CEP43: variants seen among roughly 807,000 people sequenced by gnomAD.
CEP43 encodes the protein FGFR1 oncogene partner.
CEP43 carries 36 observed loss-of-function variants against 52.6 expected under a neutral mutation model. The observed-to-expected ratio is 0.68, with a 90% CI of 0.52 to 0.90. The LOEUF is 0.90. Ranked by LOEUF, CEP43 falls within the 40% of genes least tolerant of loss-of-function variation. The pLI is 0.00. For missense variants in CEP43, 506 were observed against 472.8 expected (o/e 1.07, Z -0.65); for synonymous variants, 192 against 172.4 (o/e 1.11, Z -0.89).
chr6:167,048,084 C>T lies in CEP43; in HGVS notation c.*8106C>T, dbSNP rs2114862068. On this transcript the variant is annotated 3_prime_UTR_variant, in exon 13 of 13. Transcript: ENST00000366847. ...AGATGAGTGATCCAACGTTAGAAAT[C>T]ATCTGGACATTAAAACTGAATTGTA... 1 of 152,264 alleles carries T rather than the reference C, an allele frequency of 6.6e-6. No homozygotes were observed. Among genetic ancestry groups the T allele is most frequent in the East Asian group, 1.9e-4 (1 of 5,174 alleles). The allele number at this position is 152,264 out of a possible 1,614,324, so 9.4% of individuals were successfully genotyped here.
intron 6 of CEP43, among the ~76,000 whole-genome samples, chr6:167,012,144 C>G (rs1430109739): frequency 6.6e-6 from 1 of 152,214 alleles, no homozygotes; most frequent in African/African-American, 2.4e-5. Flanking sequence ...AGTGATTATA[C>G]TACACGATAC....
At chr6:166,999,650 G>C (rs1447327140) in intron 1 of CEP43, 136 bp downstream of exon 1, 6 of 547,830 alleles carry the variant, frequency 1.1e-5, no homozygotes, top group Admixed American at 4.4e-5. Flanking sequence ...GCGCGCCCCG[G>C]CATGGCCTCC....
At chr6:167,035,592 AGTCTTGCTCT>A (rs1263954540) in intron 12 of CEP43, among the ~76,000 whole-genome samples, 3 of 149,598 alleles carry the variant, frequency 2.0e-5, no homozygotes, top group Non-Finnish European at 4.4e-5. Context: ...TTTTAGACAG[AGTCTTGCTCT>A]GTTGCCCAGG....
At chr6:167,031,798 A>G (rs530048737) in intron 10 of CEP43, among the ~76,000 whole-genome samples, 82 of 152,192 alleles carry the variant, frequency 5.4e-4, no homozygotes, top group African/African-American at 1.8e-3. Context: ...TTCCTCATCT[A>G]GCCCTCAGAA....
At chr6:167,003,649 C>T in intron 3 of CEP43, 74 bp from the exon 4 acceptor site, 1 of 851,208 alleles carries the variant, frequency 1.2e-6, no homozygotes, top group Non-Finnish European at 1.9e-6. Context: ...TTTAGTGTAT[C>T]TATTTCATAA....
chr6:167,022,966 G>T (rs1780271933), intron 8 of CEP43, among the ~76,000 whole-genome samples: 1 of 152,196 alleles, frequency 6.6e-6, no homozygotes, highest in Non-Finnish European at 1.5e-5. Flanking sequence ...TGAGGGTTAT[G>T]CTGCAGTGTG....
intron 5 of CEP43, among the ~76,000 whole-genome samples, chr6:167,009,698 C>T (rs1441995663): frequency 2.0e-5 from 3 of 147,258 alleles, no homozygotes; most frequent in African/African-American, 5.0e-5. Context: ...TAGTTGGGTG[C>T]GGTGGTGCAT....
intron 12 of CEP43, chr6:167,036,202 CG>C: frequency 1.0e-6 from 1 of 985,318 alleles, no homozygotes; most frequent in South Asian, 4.7e-5. Context: ...AATATTTGAC[CG>C]GGATTTTGAA....
chr6:166,999,433 A>G lies in CEP43; in HGVS notation c.21A>G (p.Ala7=), dbSNP rs905499893. MAATAA[A]VVAEEDTELR... ...GCAAGATGGCGGCGACGGCGGCCGC[A>G]GTGGTGGCCGAGGAGGACACGGAGC... Residue 7 remains alanine (A), a synonymous_variant, in exon 1 of 13, where the codon GCA becomes GCG. Transcript: ENST00000366847. 4 of 1,477,898 alleles carry G rather than the reference A, an allele frequency of 2.7e-6. No homozygotes were observed. In the East Asian group the frequency reaches 1.2e-4, roughly 44 times the overall value. The allele number at this position is 1,477,898 out of a possible 1,614,324, so 91.5% of individuals were successfully genotyped here. A position where few individuals can be genotyped will look rare whatever the true frequency, so the allele number is the denominator to read the frequency against.
At chr6:167,032,941 G>A (rs1780501753) in intron 11 of CEP43, among the ~76,000 whole-genome samples, 2 of 152,070 alleles carry the variant, frequency 1.3e-5, no homozygotes, top group South Asian at 4.1e-4. Context: ...CAGTTGCCGT[G>A]TCATAAGTGC....
chr6:167,022,474 C>T lies in CEP43; in HGVS notation c.645C>T (p.Ser215=). Residue 215 remains serine (S), a synonymous_variant, in exon 8 of 13, where the codon AGC becomes AGT. Transcript: ENST00000366847. ...SVSLSEPKSK[S]SLHLLSHETK... Reference sequence around the variant, plus strand: ...CCTTGTCAGAACCCAAGAGCAAAAGCAGCCTTCACTTACTGTCCCATGAAA... The same window carrying T: ...CCTTGTCAGAACCCAAGAGCAAAAGTAGCCTTCACTTACTGTCCCATGAAA... The T allele has an allele frequency of 6.2e-7, 1 of 1,614,124 alleles. No homozygotes were observed. The highest frequency in any genetic ancestry group is 8.5e-7 in the Non-Finnish European group (1 of 1,180,002).
intron 5 of CEP43, among the ~76,000 whole-genome samples, chr6:167,006,715 A>T (rs1779862578): frequency 6.6e-6 from 1 of 152,190 alleles, no homozygotes. Flanking sequence ...TCCTACAACC[A>T]GTCCCCTGTG....
Position 167,041,554 on chromosome 6 carries a change from C to A in CEP43, c.*1576C>A, listed in dbSNP as rs1338814090. The A allele has an allele frequency of 1.9e-6, 2 of 1,050,492 alleles. No individual in the cohort carries two copies. Among genetic ancestry groups the A allele is most frequent in the Non-Finnish European group, 2.3e-6 (2 of 870,096 alleles). The allele number at this position is 1,050,492 out of a possible 1,614,324, so 65.1% of individuals were successfully genotyped here. A position where few individuals can be genotyped will look rare whatever the true frequency, so the allele number is the denominator to read the frequency against. On this transcript the variant is annotated 3_prime_UTR_variant, in exon 13 of 13. Coordinates refer to ENST00000366847, the MANE Select transcript of CEP43 (RefSeq NM_007045.4). ...TTTGTAAGTCATCTCTGTAAACAGTCACTTTCTAAAAGCACTATAGTTCTG... is the reference window on the plus strand; with the variant it reads ...TTTGTAAGTCATCTCTGTAAACAGTAACTTTCTAAAAGCACTATAGTTCTG...
chr6:167,016,956 AAAT>A (rs1287155712), intron 7 of CEP43, among the ~76,000 whole-genome samples: 18 of 151,912 alleles, frequency 1.2e-4, no homozygotes, highest in African/African-American at 3.4e-4. Flanking sequence ...TGGTTATAAA[AAAT>A]AATAATACAA....
At position 167,045,183 on chromosome 6, in the gene CEP43, C is replaced by T. The variant is rs1160364921; in HGVS notation, c.*5205C>T. 2.6e-5 allele frequency: 4 copies of T among 151,710 alleles called. No homozygotes were observed. The highest frequency in any genetic ancestry group is 1.5e-5 in the Non-Finnish European group (1 of 68,082). 9.4% of individuals were successfully genotyped at this position (151,710 alleles called of 1,614,324 possible). A position where few individuals can be genotyped will look rare whatever the true frequency, so the allele number is the denominator to read the frequency against. Reference sequence around the variant, plus strand: ...TGGTACTAGCTCGGCTCACTGCAACCTCTGCCTCCCAGGTTCAAGCGATTC... The same window carrying T: ...TGGTACTAGCTCGGCTCACTGCAACTTCTGCCTCCCAGGTTCAAGCGATTC... On this transcript the variant is annotated 3_prime_UTR_variant, in exon 13 of 13. Coordinates refer to ENST00000366847, the MANE Select transcript of CEP43 (RefSeq NM_007045.4).
At chr6:167,014,230 T>C (rs1167526407) in intron 7 of CEP43, among the ~76,000 whole-genome samples, 1 of 152,238 alleles carries the variant, frequency 6.6e-6, no homozygotes, top group Non-Finnish European at 1.5e-5. Flanking sequence ...TACCTATTGA[T>C]AAATTAAAAA....
At chr6:167,010,633 T>A (rs762971151) in intron 5 of CEP43, among the ~76,000 whole-genome samples, 180 bp from the exon 6 acceptor site, 2 of 152,180 alleles carry the variant, frequency 1.3e-5, no homozygotes, top group Non-Finnish European at 2.9e-5. Flanking sequence ...TCTAGGGATG[T>A]GTAGAAGGTT....
intron 12 of CEP43, among the ~76,000 whole-genome samples, chr6:167,038,979 G>A (rs1780636960): frequency 6.6e-6 from 1 of 152,100 alleles, no homozygotes; most frequent in Non-Finnish European, 1.5e-5. Flanking sequence ...AGTCCCCAAA[G>A]TCCATTGTAT....
intron 9 of CEP43, 39 bp downstream of exon 9, chr6:167,024,933 T>A (rs759261178): frequency 8.9e-7 from 1 of 1,126,214 alleles, no homozygotes; most frequent in Non-Finnish European, 1.3e-6. Context: ...ACTCGGGATA[T>A]TTTTTCTCTA....
Sources: gnomAD v4.1 joint callset for allele counts (sites outside exome capture counted in the v4.1 genomes callset) on GRCh38, gnomAD v4.1.1 for gene constraint, MANE v1.5 for transcripts, NCBI Gene and HGNC (gene_info 2026-07-23, HGNC 2026-07-21) for gene names.